Variants in MTUS2 observed in about 807,000 individuals in gnomAD.
The protein encoded by MTUS2 is microtubule-associated tumor suppressor candidate 2.
Under a neutral mutation model 114.1 loss-of-function variants are expected in MTUS2, and 40 were observed. The observed-to-expected ratio is 0.35, with a 90% CI of 0.27 to 0.46. MTUS2 has a LOEUF of 0.46. Ranked by LOEUF, MTUS2 falls within the 20% of genes least tolerant of loss-of-function variation. MTUS2 has a pLI of 1.00. For synonymous variants in MTUS2, 688 were observed against 672.0 expected, an observed-to-expected ratio of 1.02 and a Z score of -0.37; for missense variants, 1,679 against 1,705.4, an observed-to-expected ratio of 0.98 and a Z score of 0.27.
intron 8 of MTUS2, among the ~76,000 whole-genome samples, chr13:29,407,770 C>T (rs527273514): frequency 1.4e-4 from 21 of 152,192 alleles, no homozygotes; most frequent in African/African-American, 4.6e-4. Flanking sequence ...TAAGCCACCA[C>T]GCCTGGCCCT....
At chr13:29,333,700 G>T (rs1900910159) in intron 7 of MTUS2, among the ~76,000 whole-genome samples, 1 of 152,126 alleles carries the variant, frequency 6.6e-6, no homozygotes, top group African/African-American at 2.4e-5. Flanking sequence ...ATGACTATTA[G>T]GTCCGTTTGG....
Position 29,033,918 on chromosome 13 carries a change from T to C in MTUS2, c.2239T>C (p.Ser747Pro), listed in dbSNP as rs1566311103. The change falls in exon 4 of 16, where the codon TCT becomes CCT. Residue 747 changes from serine (S) to proline (P), a missense_variant. Ser to Pro is a moderately conservative substitution (Grantham distance 74). Coordinates refer to ENST00000612955, the MANE Select transcript of MTUS2 (RefSeq NM_001033602.4). ...TDHPGKEEFCSPPYAHYEVPP... is the reference protein window; with the variant it reads ...TDHPGKEEFCPPPYAHYEVPP... ...CCACCCTGGAAAAGAAGAGTTTTGT[T>C]CTCCTCCCTATGCTCATTATGAAGT... 6.2e-7 allele frequency: 1 copy of C among 1,613,936 alleles called. No individual in the cohort carries two copies. The highest frequency in any genetic ancestry group is 1.7e-5 in the Admixed American group (1 of 60,002).
chr13:29,036,069 A>T (rs996637052), intron 4 of MTUS2, among the ~76,000 whole-genome samples: 1 of 150,924 alleles, frequency 6.6e-6, no homozygotes, highest in Non-Finnish European at 1.5e-5. Context: ...ACTTGAACCC[A>T]AGAGACAGAG....
intron 6 of MTUS2, among the ~76,000 whole-genome samples, chr13:29,315,081 G>T (rs1043358412): frequency 5.3e-5 from 8 of 152,204 alleles, no homozygotes; most frequent in African/African-American, 1.9e-4. Context: ...CGGAAAGCCA[G>T]ATATCACATG....
At chr13:29,482,413 C>T (rs1240067659) in intron 10 of MTUS2, 1 of 152,210 alleles carries the variant, frequency 6.6e-6, no homozygotes, top group South Asian at 2.1e-4. Flanking sequence ...CTTGACTTTT[C>T]CACACGAAAA....
At chr13:29,000,013 A>G (rs1285744809) in intron 2 of MTUS2, among the ~76,000 whole-genome samples, 1 of 152,176 alleles carries the variant, frequency 6.6e-6, no homozygotes, top group Admixed American at 6.5e-5. Flanking sequence ...TTCTGTATCC[A>G]TTTATCTGTT....
chr13:29,377,970 C>A (rs1254347505), intron 8 of MTUS2, among the ~76,000 whole-genome samples: 1 of 152,182 alleles, frequency 6.6e-6, no homozygotes, highest in East Asian at 1.9e-4. Flanking sequence ...GTATACAGAA[C>A]AACTTGGATG....
chr13:28,961,628 A>C (rs1053883360), intron 2 of MTUS2, among the ~76,000 whole-genome samples: 3 of 152,186 alleles, frequency 2.0e-5, no homozygotes, highest in Non-Finnish European at 4.4e-5. Context: ...CTAAAATGCA[A>C]ATCACTCATA....
At chr13:29,143,687 T>C (rs1892318927) in intron 5 of MTUS2, among the ~76,000 whole-genome samples, 1 of 152,144 alleles carries the variant, frequency 6.6e-6, no homozygotes, top group Admixed American at 6.5e-5. Flanking sequence ...AAATATTTAG[T>C]TGGAGAAAAG....
chr13:29,001,442 G>A (rs995933498), intron 2 of MTUS2, among the ~76,000 whole-genome samples: 4 of 152,172 alleles, frequency 2.6e-5, no homozygotes, highest in African/African-American at 9.7e-5. Flanking sequence ...CGTGGAATGC[G>A]AGAGAAAGGA....
chr13:29,499,044 G>A (rs1413924047), intron 14 of MTUS2, among the ~76,000 whole-genome samples: 1 of 152,166 alleles, frequency 6.6e-6, no homozygotes, highest in African/African-American at 2.4e-5. Context: ...TTTTTATAAG[G>A]CTATTAATCC....
At chr13:29,227,431 C>T (rs1391916706) in intron 5 of MTUS2, among the ~76,000 whole-genome samples, 1 of 152,138 alleles carries the variant, frequency 6.6e-6, no homozygotes, top group East Asian at 1.9e-4. Context: ...AGGCAAGTGA[C>T]CCGAGGGGCT....
intron 9 of MTUS2, among the ~76,000 whole-genome samples, chr13:29,471,750 C>G (rs1051008298): frequency 2.0e-5 from 3 of 150,242 alleles, no homozygotes; most frequent in Non-Finnish European, 3.0e-5. Context: ...CAGCCCCCCC[C>G]GACACATTGA....
intron 8 of MTUS2, among the ~76,000 whole-genome samples, chr13:29,409,550 T>A (rs750719483): frequency 7.9e-5 from 12 of 152,218 alleles, no homozygotes; most frequent in Admixed American, 6.5e-5. Flanking sequence ...ATTAGTTTGA[T>A]GAGTATGTGA....
At chr13:28,995,283 G>A (rs1324836970) in intron 2 of MTUS2, among the ~76,000 whole-genome samples, 15 of 152,132 alleles carry the variant, frequency 9.9e-5, no homozygotes, top group African/African-American at 2.2e-4. Context: ...TACCAGTACC[G>A]TGCTGTTTGG....
intron 8 of MTUS2, among the ~76,000 whole-genome samples, chr13:29,383,697 A>T (rs1474529168): frequency 1.3e-5 from 2 of 152,144 alleles, no homozygotes. Flanking sequence ...CAGAAGGTGC[A>T]CGCAGAAGCC....
chr13:29,427,488 G>A (rs1876636233), intron 8 of MTUS2, among the ~76,000 whole-genome samples: 1 of 152,164 alleles, frequency 6.6e-6, no homozygotes, highest in Non-Finnish European at 1.5e-5. Flanking sequence ...GCAAATGTTG[G>A]GTCAAGGTGT....
At chr13:28,903,664 T>C (rs1002449810) in intron 2 of MTUS2, among the ~76,000 whole-genome samples, 1 of 151,942 alleles carries the variant, frequency 6.6e-6, no homozygotes, top group Non-Finnish European at 1.5e-5. Flanking sequence ...AGTCTATCAT[T>C]GTTGGACATT....
intron 4 of MTUS2, among the ~76,000 whole-genome samples, chr13:29,097,741 A>T (rs1175024871): frequency 6.6e-6 from 1 of 152,050 alleles, no homozygotes; most frequent in African/African-American, 2.4e-5. Context: ...GCTTCTTTTC[A>T]TATGGGCACT....
Sources: gnomAD v4.1 joint callset for allele counts (sites outside exome capture counted in the v4.1 genomes callset) on GRCh38, gnomAD v4.1.1 for gene constraint, MANE v1.5 for transcripts, NCBI Gene and HGNC (gene_info 2026-07-23, HGNC 2026-07-21) for gene names.